RMDN2: variants seen among roughly 807,000 people sequenced by gnomAD.
RMDN2 encodes regulator of microtubule dynamics 2, also known as regulator of microtubule dynamics protein 2.
A neutral mutation model predicts 52.8 loss-of-function variants in RMDN2; 61 were observed. The observed-to-expected ratio is 1.16, with a 90% CI of 0.94 to 1.43. The LOEUF is 1.43. Among genes scored for constraint, RMDN2 ranks in the 40% most tolerant of loss-of-function variants. The pLI, the probability that RMDN2 is intolerant of heterozygous loss-of-function variation, is 0.00. For synonymous variants in RMDN2, 180 were observed against 153.1 expected, an observed-to-expected ratio of 1.18 and a Z score of -1.30; for missense variants, 592 against 475.3, an observed-to-expected ratio of 1.25 and a Z score of -2.28.
chr2:37,949,506 A>T (rs905761044), intron 2 of RMDN2, among the ~76,000 whole-genome samples: 1 of 152,168 alleles, frequency 6.6e-6, no homozygotes, highest in Non-Finnish European at 1.5e-5. Context: ...AAGTAACATA[A>T]GTCTTCTGTC....
intron 10 of RMDN2, among the ~76,000 whole-genome samples, chr2:38,032,408 T>C (rs896972781): frequency 1.3e-5 from 2 of 152,258 alleles, no homozygotes; most frequent in Admixed American, 6.5e-5. Flanking sequence ...TCATCTATGA[T>C]ATTGTATATA....
chr2:38,006,033 G>C (rs970396236), intron 10 of RMDN2, among the ~76,000 whole-genome samples: 5 of 152,122 alleles, frequency 3.3e-5, no homozygotes, highest in Admixed American at 2.6e-4. Flanking sequence ...CATTATTTCT[G>C]AGGGCTCTGT....
intron 10 of RMDN2, among the ~76,000 whole-genome samples, chr2:38,064,040 A>G (rs1375876543): frequency 6.6e-6 from 1 of 152,196 alleles, no homozygotes; most frequent in Non-Finnish European, 1.5e-5. Flanking sequence ...AGTACACACA[A>G]TCACATGTAG....
rs191127590 is a variant in RMDN2 at position 38,045,709 on chromosome 2, C to G, written c.1714-21273C>G. ...AGCTAAGAATAGTGAGCATCTGAAG[C>G]ATTTTTGCCTGGAGCTGCTCCCAGC... On this transcript the variant is annotated intron_variant, in intron 10 of 10. Coordinates refer to the RMDN2 transcript ENST00000234195. Among the ~76,000 whole-genome samples the G allele has an allele frequency of 1.0e-3, 152 of 152,286 alleles. 1 individual carries two copies. Among genetic ancestry groups the G allele is most frequent in the African/African-American group, 3.5e-3 (146 of 41,550 alleles).
At chr2:38,065,464 G>A (rs985647584) in intron 10 of RMDN2, among the ~76,000 whole-genome samples, 3 of 152,232 alleles carry the variant, frequency 2.0e-5, no homozygotes, top group Non-Finnish European at 4.4e-5. Flanking sequence ...TCTCAGTGCT[G>A]TTAGGCTTCT....
intron 4 of RMDN2, among the ~76,000 whole-genome samples, chr2:37,979,672 A>C (rs1645139286): frequency 6.6e-6 from 1 of 152,208 alleles, no homozygotes; most frequent in African/African-American, 2.4e-5. Flanking sequence ...AGATCACAAA[A>C]TACAGTTCTC....
chr2:38,021,767 C>T (rs79796068), downstream of RMDN2, among the ~76,000 whole-genome samples: 124 of 152,246 alleles, frequency 8.1e-4, 2 homozygotes, highest in East Asian at 0.02. Flanking sequence ...CAGGAGGAGG[C>T]GCTCAGGTGG....
intron 7 of RMDN2, among the ~76,000 whole-genome samples, chr2:37,991,778 G>C (rs1674830925): frequency 6.6e-6 from 1 of 152,134 alleles, no homozygotes; most frequent in African/African-American, 2.4e-5. Flanking sequence ...GGCCAGGGAT[G>C]AATAAAACAC....
At chr2:38,062,522 T>G (rs997250500) in intron 10 of RMDN2, among the ~76,000 whole-genome samples, 1 of 152,240 alleles carries the variant, frequency 6.6e-6, no homozygotes, top group Non-Finnish European at 1.5e-5. Context: ...TGAATGCAGC[T>G]GCTGTAAACA....
chr2:38,045,867 G>A (rs1363953375), intron 10 of RMDN2, among the ~76,000 whole-genome samples: 4 of 152,188 alleles, frequency 2.6e-5, no homozygotes, highest in Non-Finnish European at 5.9e-5. Context: ...CATGTTTATG[G>A]CCAACAAGTG....
intron 10 of RMDN2, among the ~76,000 whole-genome samples, chr2:38,006,642 A>G (rs1205915221): frequency 6.6e-6 from 1 of 152,202 alleles, no homozygotes; most frequent in Non-Finnish European, 1.5e-5. Flanking sequence ...CAATCATGTC[A>G]TCTGCAAACA....
At chr2:38,055,768 C>G (rs1414803936) in intron 10 of RMDN2, among the ~76,000 whole-genome samples, 1 of 152,130 alleles carries the variant, frequency 6.6e-6, no homozygotes, top group Non-Finnish European at 1.5e-5. Flanking sequence ...TAGACCTTCC[C>G]CTTGCAACTC....
intron 10 of RMDN2, among the ~76,000 whole-genome samples, chr2:38,033,792 C>T (rs1288417653): frequency 6.6e-6 from 1 of 152,208 alleles, no homozygotes; most frequent in Non-Finnish European, 1.5e-5. Context: ...CTTTCCATGT[C>T]CAGGAATTCA....
Position 37,975,253 on chromosome 2 carries a change from TTA to T in RMDN2, c.671_672del (p.Tyr224TrpfsTer5). On this transcript the variant is annotated frameshift_variant, in exon 4 of 11. Transcript: ENST00000354545. LOFTEE classifies it high-confidence loss of function. ...AGTTTATGTGGCGATTTGCTCGTGC[TTA>T]TGGAGACATGTATGAACTATCTACA... ...IEFMWRFARA[Y>X]GDMYELSTNT... is the part of the protein sequence containing the mutation. The T allele has an allele frequency of 6.2e-7, 1 of 1,611,528 alleles. No individual in the cohort carries two copies. The highest frequency in any genetic ancestry group is 8.5e-7 in the Non-Finnish European group (1 of 1,177,778).
chr2:37,970,192 G>A (rs930348729), intron 2 of RMDN2, among the ~76,000 whole-genome samples: 3 of 152,118 alleles, frequency 2.0e-5, no homozygotes, highest in Non-Finnish European at 1.5e-5. Context: ...CTCCTGAAGT[G>A]CTGGGAATAT....
At chr2:37,979,644 G>T (rs570947092) in intron 4 of RMDN2, among the ~76,000 whole-genome samples, 1 of 152,186 alleles carries the variant, frequency 6.6e-6, no homozygotes, top group African/African-American at 2.4e-5. Context: ...TTAAGTAATC[G>T]ATATGAATGC....
intron 4 of RMDN2, among the ~76,000 whole-genome samples, chr2:37,978,295 C>T (rs981860294): frequency 5.5e-4 from 64 of 116,638 alleles, no homozygotes; most frequent in African/African-American, 2.1e-3. Context: ...GGCTCGGCAT[C>T]AGAGGGAGAC....
rs193064948 is a variant in RMDN2, at chr2:38,065,587, G to T, written c.1714-1395G>T. ...CTTCCCATCAAAAAGCTTGTTTCGT[G>T]CCTTGGTTCTTCTCTCTCCCTCTGG... On this transcript the variant is annotated intron_variant, in intron 10 of 10. Transcript: ENST00000234195. Among the ~76,000 whole-genome samples, 165 of 152,278 alleles carry T rather than the reference G, an allele frequency of 1.1e-3. 1 individual carries two copies. Among genetic ancestry groups the T allele is most frequent in the Middle Eastern group, 3.4e-3 (1 of 294 alleles).
At chr2:38,028,366 T>C (rs1243963565) in intron 10 of RMDN2, among the ~76,000 whole-genome samples, 4 of 152,240 alleles carry the variant, frequency 2.6e-5, no homozygotes, top group Non-Finnish European at 5.9e-5. Flanking sequence ...ACATCTAGAA[T>C]ACTTTCTTTT....
Sources: allele counts gnomAD v4.1 joint callset (sites outside exome capture counted in the v4.1 genomes callset), GRCh38; gene constraint gnomAD v4.1.1; transcripts MANE v1.5; gene names NCBI Gene and HGNC (gene_info 2026-07-23, HGNC 2026-07-21).